MARK2: variants seen among roughly 807,000 people sequenced by gnomAD.
The protein encoded by MARK2 is serine/threonine-protein kinase MARK2.
In MARK2, 16 loss-of-function variants were observed where a neutral mutation model predicts 89.8. That is an observed-to-expected ratio of 0.18 (90% confidence interval 0.12 to 0.27). The LOEUF (loss-of-function observed/expected upper bound fraction) is 0.27, where lower values mean the gene tolerates loss of function less well. MARK2 is among the 10% of genes least tolerant of loss of function. The pLI is 1.00. For synonymous variants in MARK2, 382 were observed against 399.5 expected, an observed-to-expected ratio of 0.96 and a Z score of 0.52; for missense variants, 621 against 1,049.9, an observed-to-expected ratio of 0.59 and a Z score of 5.65.
chr11:63,852,617 AC>A (rs1471996024), intron 1 of MARK2, among the ~76,000 whole-genome samples: 1 of 151,832 alleles, frequency 6.6e-6, no homozygotes, highest in Non-Finnish European at 1.5e-5. Flanking sequence ...AAGTGGACAT[AC>A]CAACAAGTAT....
At position 63,902,883 on chromosome 11, in the gene MARK2, C is replaced by T; in HGVS notation, c.1416+101C>T. 1 of 1,155,308 alleles carries T rather than the reference C, an allele frequency of 8.7e-7. No individual in the cohort carries two copies. Among genetic ancestry groups the T allele is most frequent in the Non-Finnish European group, 1.3e-6 (1 of 789,452 alleles). 71.6% of individuals were successfully genotyped at this position (1,155,308 alleles called of 1,614,324 possible). A position where few individuals can be genotyped will look rare whatever the true frequency, so the allele number is the denominator to read the frequency against. ...CAGACTCTGTTCCCTTTGGCTACTACTTCTGCTTATAGCAGGAAGCCTCGC... is the reference window on the plus strand; with the variant it reads ...CAGACTCTGTTCCCTTTGGCTACTATTTCTGCTTATAGCAGGAAGCCTCGC... On this transcript the variant is annotated intron_variant, in intron 13 of 18. Coordinates refer to ENST00000402010, the MANE Select transcript of MARK2 (RefSeq NM_001039469.3). This position sits in a 1 kb window ranked among gnomAD's most constrained non-coding sequence, Gnocchi z 4.2.
chr11:63,845,062 C>T (rs1236595209), intron 1 of MARK2, among the ~76,000 whole-genome samples: 2 of 152,194 alleles, frequency 1.3e-5, no homozygotes, highest in African/African-American at 2.4e-5. Context: ...CCCCCAGCAG[C>T]ACTTTGAAGC....
intron 18 of MARK2, 29 bp from the exon 19 acceptor site, chr11:63,908,848 C>CG: frequency 1.4e-6 from 2 of 1,435,284 alleles, no homozygotes; most frequent in Admixed American, 2.6e-5. Context: ...TCAGCCCCCC[C>CG]GTGACGCCCG....
intron 16 of MARK2, 49 bp from the exon 17 acceptor site, chr11:63,906,039 T>C: frequency 7.4e-7 from 1 of 1,354,608 alleles, no homozygotes; most frequent in Non-Finnish European, 9.5e-7. Flanking sequence ...TTGTTGGTTT[T>C]TTTTTTATTT....
chr11:63,908,848 C>CCT, intron 18 of MARK2, 29 bp from the exon 19 acceptor site: 1 of 1,435,284 alleles, frequency 7.0e-7, no homozygotes. Context: ...TCAGCCCCCC[C>CCT]GTGACGCCCG....
intron 1 of MARK2, chr11:63,849,848 T>G (rs1469920505): frequency 6.6e-6 from 1 of 152,244 alleles, no homozygotes; most frequent in Non-Finnish European, 1.5e-5. Flanking sequence ...TGTGTCTGTT[T>G]GCTCATCTGT....
intron 1 of MARK2, chr11:63,869,017 G>A: frequency 5.4e-6 from 2 of 371,678 alleles, no homozygotes; most frequent in South Asian, 3.9e-5. Context: ...GCCACTGTGA[G>A]TGAGGGAAGA....
intron 1 of MARK2, among the ~76,000 whole-genome samples, chr11:63,878,474 A>T (rs985845395): frequency 1.4e-5 from 2 of 142,410 alleles, no homozygotes. Flanking sequence ...GGTTCACGCC[A>T]TTCTCCTGCC....
intron 1 of MARK2, chr11:63,869,462 C>T (rs1366653987): frequency 6.5e-6 from 1 of 154,122 alleles, no homozygotes; most frequent in Non-Finnish European, 1.4e-5. Flanking sequence ...CTGCAGAGCC[C>T]TGGGGCCTGT....
rs2016569274 is a variant in MARK2, at chr11:63,851,454, A to G, written c.54+11894A>G. Among the ~76,000 whole-genome samples, 2 of 151,904 alleles carry G rather than the reference A, an allele frequency of 1.3e-5. 1 individual carries two copies. Among genetic ancestry groups the G allele is most frequent in the South Asian group, 4.1e-4 (2 of 4,820 alleles). ...TTTTAAAAATAACTCATCAGGGGCT[A>G]TTTCTTTCATTGTATTTTCCTCTTC... is the stretch of plus-strand genomic sequence containing the variant. On this transcript the variant is annotated intron_variant, in intron 1 of 18. Coordinates refer to ENST00000402010, the MANE Select transcript of MARK2 (RefSeq NM_001039469.3).
intron 1 of MARK2, among the ~76,000 whole-genome samples, chr11:63,871,559 G>C (rs1938454614): frequency 6.6e-6 from 1 of 151,070 alleles, no homozygotes; most frequent in African/African-American, 2.4e-5. Context: ...AGTATTCACT[G>C]TGTGCAGGTG....
rs1940820994 is a variant in MARK2, at chr11:63,901,025, G to T, written c.1057G>T (p.Glu353Ter). ...QDSLVGQRYN[E>*]VMATYLLLGY... Reference sequence around the variant, plus strand: ...CTCGCTGGTGGGCCAGAGATACAACGAGGTGATGGCCACCTATCTGCTCCT... The same window carrying T: ...CTCGCTGGTGGGCCAGAGATACAACTAGGTGATGGCCACCTATCTGCTCCT... Residue 353 changes from glutamate (E) to a stop codon, truncating the protein, a stop_gained, in exon 11 of 19, where the codon GAG becomes TAG. Transcript: ENST00000402010. LOFTEE classifies it high-confidence loss of function. 1 of 1,614,138 alleles carries T rather than the reference G, an allele frequency of 6.2e-7. No individual in the cohort carries two copies. The highest frequency in any genetic ancestry group is 8.5e-7 in the Non-Finnish European group (1 of 1,179,984).
intron 1 of MARK2, among the ~76,000 whole-genome samples, chr11:63,845,125 G>A (rs533544766): frequency 5.6e-4 from 86 of 152,264 alleles, no homozygotes; most frequent in African/African-American, 1.9e-3. Flanking sequence ...GGTGAGGAGG[G>A]TGGTCATCTT....
At chr11:63,885,647 C>G (rs542521467) in intron 1 of MARK2, among the ~76,000 whole-genome samples, 2 of 151,118 alleles carry the variant, frequency 1.3e-5, no homozygotes, top group Admixed American at 1.3e-4. Flanking sequence ...CTAGCCTGGC[C>G]AAGGTGGTGA....
At chr11:63,852,590 G>A (rs2016625580) in intron 1 of MARK2, among the ~76,000 whole-genome samples, 1 of 151,102 alleles carries the variant, frequency 6.6e-6, no homozygotes, top group Non-Finnish European at 1.5e-5. Context: ...GCTGCAACTT[G>A]TATGTTAAAA....
intron 1 of MARK2, among the ~76,000 whole-genome samples, chr11:63,884,152 T>C (rs1048288992): frequency 1.3e-5 from 2 of 152,192 alleles, no homozygotes; most frequent in African/African-American, 4.8e-5. Context: ...AAAGGTTTGC[T>C]AGGGCAACAG....
At chr11:63,888,759 C>T in intron 1 of MARK2, 1 of 1,220,336 alleles carries the variant, frequency 8.2e-7, no homozygotes, top group Non-Finnish European at 1.0e-6. Context: ...ACCGCTCGGC[C>T]TGGCTGCTTA....
At chr11:63,899,788 G>T (rs1212126958) in intron 7 of MARK2, 86 bp from the exon 8 acceptor site, 13 of 844,260 alleles carry the variant, frequency 1.5e-5, no homozygotes, top group Non-Finnish European at 2.4e-5. Flanking sequence ...CTTTCCGTTT[G>T]TTCTCCCATT....
intron 1 of MARK2, among the ~76,000 whole-genome samples, chr11:63,843,539 A>C (rs1339279954): frequency 6.6e-6 from 1 of 152,110 alleles, no homozygotes; most frequent in African/African-American, 2.4e-5. Context: ...ACAAAGTTAC[A>C]AGATCCTATA....
Sources: allele counts gnomAD v4.1 joint callset (sites outside exome capture counted in the v4.1 genomes callset), GRCh38; gene constraint gnomAD v4.1.1; non-coding constraint Gnocchi (gnomAD v3.1); transcripts MANE v1.5; gene names NCBI Gene and HGNC (gene_info 2026-07-23, HGNC 2026-07-21).